GMFB: variants seen among roughly 807,000 people sequenced by gnomAD.
The protein encoded by GMFB is GMF-beta.
GMFB carries 13 observed loss-of-function variants against 25.6 expected under a neutral mutation model. The observed-to-expected ratio is 0.51, with a 90% CI of 0.33 to 0.81. The LOEUF (loss-of-function observed/expected upper bound fraction) is 0.81. Ranked by LOEUF, GMFB falls within the 30% of genes least tolerant of loss-of-function variation. The pLI, the probability that GMFB is intolerant of heterozygous loss-of-function variation, is 0.02. For missense variants in GMFB, 146 were observed against 175.4 expected (o/e 0.83, Z 0.95); for synonymous variants, 57 against 56.9 (o/e 1.00, Z 0.00).
intron 1 of GMFB, among the ~76,000 whole-genome samples, chr14:54,488,305 A>G (rs148621469): frequency 6.6e-6 from 1 of 152,252 alleles, no homozygotes; most frequent in Non-Finnish European, 1.5e-5. Context: ...CAACAAAACT[A>G]AAGTTATTGA....
chr14:54,485,484 G>A (rs1484138364), intron 1 of GMFB, among the ~76,000 whole-genome samples: 3 of 152,018 alleles, frequency 2.0e-5, no homozygotes, highest in Admixed American at 6.6e-5. Flanking sequence ...TCTCTACAAT[G>A]AAAATTATAA....
chr14:54,487,487 G>T (rs534854573), intron 1 of GMFB, among the ~76,000 whole-genome samples: 1 of 151,758 alleles, frequency 6.6e-6, no homozygotes, highest in Non-Finnish European at 1.5e-5. Context: ...TGCAGTGAGC[G>T]GAGATCGCGC....
chr14:54,481,303 G>A (rs1001532481), intron 4 of GMFB, 106 bp downstream of exon 4: 6 of 775,126 alleles, frequency 7.7e-6, no homozygotes, highest in Non-Finnish European at 1.3e-5. Flanking sequence ...TAATTTGGCT[G>A]TCATCATGAC....
intron 1 of GMFB, among the ~76,000 whole-genome samples, chr14:54,485,366 A>G (rs1226915014): frequency 6.6e-6 from 1 of 152,166 alleles, no homozygotes; most frequent in Non-Finnish European, 1.5e-5. Flanking sequence ...AATCAGTAGC[A>G]TTTATATACA....
chr14:54,479,668 A>T, intron 6 of GMFB, 118 bp downstream of exon 6: 1 of 572,756 alleles, frequency 1.7e-6, no homozygotes, highest in Non-Finnish European at 3.1e-6. Flanking sequence ...CTAACTTACT[A>T]ATCTGGTCTA....
rs1439396028 is a variant in GMFB, at chr14:54,475,632, T to C, written c.*2456A>G. The C allele has an allele frequency of 2.0e-5, 3 of 152,484 alleles. No homozygotes were observed. Among genetic ancestry groups the C allele is most frequent in the Non-Finnish European group, 4.4e-5 (3 of 67,948 alleles). 9.4% of individuals were successfully genotyped at this position (152,484 alleles called of 1,614,324 possible). On this transcript the variant is annotated 3_prime_UTR_variant, in exon 7 of 7. Transcript: ENST00000358056. The stretch of plus-strand genomic sequence containing the variant: ...AATTTCAGCATAGTAACCTGAGAAG[T>C]TTTCTTCGTATGTATTTTTGTTGTC...
intron 4 of GMFB, 103 bp from the exon 5 acceptor site, chr14:54,481,059 C>A: frequency 1.7e-6 from 1 of 605,126 alleles, no homozygotes; most frequent in South Asian, 2.2e-5. Context: ...TTCTTTTAGG[C>A]CACACCTTCA....
chr14:54,482,275 A>C, intron 2 of GMFB, 73 bp from the exon 3 acceptor site: 2 of 918,240 alleles, frequency 2.2e-6, no homozygotes, highest in Non-Finnish European at 3.5e-6. Context: ...ACACAATCTC[A>C]GCCTTTTTTT....
In GMFB at chr14:54,475,914, A is replaced by G. The variant is rs1416412351; in HGVS notation, c.*2174T>C. On this transcript the variant is annotated 3_prime_UTR_variant, in exon 7 of 7. Coordinates refer to ENST00000358056, the MANE Select transcript of GMFB (RefSeq NM_004124.3). Reference sequence around the variant, plus strand: ...GGAGTTATTATTTGGGAAATGGCAGAAAAAAAGACAGTAAATACGAAACAT... The same window carrying G: ...GGAGTTATTATTTGGGAAATGGCAGGAAAAAAGACAGTAAATACGAAACAT... 2 of 152,034 alleles carry G rather than the reference A, an allele frequency of 1.3e-5. No homozygotes were observed. Among genetic ancestry groups the G allele is most frequent in the African/African-American group, 4.8e-5 (2 of 41,396 alleles). The allele number at this position is 152,034 out of a possible 1,614,324, so 9.4% of individuals were successfully genotyped here.
chr14:54,481,838 T>C (rs2031714902), intron 3 of GMFB, among the ~76,000 whole-genome samples: 1 of 152,138 alleles, frequency 6.6e-6, no homozygotes, highest in Non-Finnish European at 1.5e-5. Context: ...AACCAGATAT[T>C]TAAATTGTAG....
chr14:54,486,628 G>C (rs984687542), intron 1 of GMFB, among the ~76,000 whole-genome samples: 6 of 152,160 alleles, frequency 3.9e-5, no homozygotes, highest in Admixed American at 2.0e-4. Context: ...TTCCCATTTA[G>C]TCCTAATAAT....
Position 54,474,690 on chromosome 14 carries a change from A to C in GMFB, c.*3398T>G, listed in dbSNP as rs1177130627. On this transcript the variant is annotated 3_prime_UTR_variant, in exon 7 of 7. Coordinates refer to ENST00000358056, the MANE Select transcript of GMFB (RefSeq NM_004124.3). ...TAATGTTTCAAGCCTCCTGAATGAG[A>C]TTATCTTGGACCATCTAAATCAGTG... The C allele has an allele frequency of 6.6e-6, 1 of 152,632 alleles. No homozygotes were observed. Among genetic ancestry groups the C allele is most frequent in the Non-Finnish European group, 1.5e-5 (1 of 68,026 alleles). The allele number at this position is 152,632 out of a possible 1,614,324, so 9.5% of individuals were successfully genotyped here.
Position 54,480,900 on chromosome 14 carries a change from A to G in GMFB, c.257T>C (p.Leu86Pro). The G allele has an allele frequency of 2.0e-6, 3 of 1,527,654 alleles. No homozygotes were observed. The highest frequency in any genetic ancestry group is 2.3e-5 in the South Asian group (2 of 86,436). The allele number at this position is 1,527,654 out of a possible 1,614,324, so 94.6% of individuals were successfully genotyped here. A position where few individuals can be genotyped will look rare whatever the true frequency, so the allele number is the denominator to read the frequency against. ...QHDDGRVSYPLCFIFSSPVGC... is the reference protein window; with the variant it reads ...QHDDGRVSYPPCFIFSSPVGC... The stretch of plus-strand genomic sequence containing the variant: ...AACAGGACTGGAGAAAATAAAGCAC[A>G]GAGGATATGAAACTCTTCCATCATC... Residue 86 changes from leucine to proline, a missense_variant, in exon 5 of 7, where the codon CTG becomes CCG. Coordinates refer to ENST00000358056, the MANE Select transcript of GMFB (RefSeq NM_004124.3).
rs562381112 is a variant in GMFB, at chr14:54,481,502, A to C, written c.151-44T>G. 51 of 1,333,538 alleles carry C rather than the reference A, an allele frequency of 3.8e-5. 1 individual carries two copies. The South Asian group carries it at 5.3e-4, about 14-fold the overall frequency. The allele number at this position is 1,333,538 out of a possible 1,614,324, so 82.6% of individuals were successfully genotyped here. ...GCAACTTTTAAACATTTTCTTACCC[A>C]TAAGTCCTTAAGAGATACACCAAGC... On this transcript the variant is annotated intron_variant, in intron 3 of 6. Transcript: ENST00000358056.
In GMFB at chr14:54,481,444, A is replaced by C; in HGVS notation, c.165T>G (p.Asp55Glu). The change falls in exon 4 of 7, where the codon GAT (aspartate) becomes GAG (glutamate). Residue 55 changes from aspartate to glutamate, a missense_variant. Asp to Glu is a conservative substitution (Grantham distance 45). Transcript: ENST00000358056. Reference sequence around the variant, plus strand: ...GTTCAGGTAGTTCATCTTTAAGTTCATCTGGTGAAATGCCCTGGCACCACA... The same window carrying C: ...GTTCAGGTAGTTCATCTTTAAGTTCCTCTGGTGAAATGCCCTGGCACCACA... ...LDEELEGISP[D>E]ELKDELPERQ... 1.9e-6 allele frequency: 3 copies of C among 1,608,984 alleles called. No individual in the cohort carries two copies. Among genetic ancestry groups the C allele is most frequent in the Non-Finnish European group, 2.6e-6 (3 of 1,175,700 alleles).
rs769173702 is a variant in GMFB at position 54,488,892 on chromosome 14, C to T, written c.3+33G>A. The stretch of plus-strand genomic sequence containing the variant: ...AACCCGGCTGGCCGGCTCGCCCAGC[C>T]CTCCGGCCCCCGCCCTCCCAGCGGC... On this transcript the variant is annotated intron_variant, in intron 1 of 6. Transcript: ENST00000358056. 4.3e-5 allele frequency: 66 copies of T among 1,550,976 alleles called. No individual in the cohort carries two copies. In the African/African-American group the frequency reaches 8.7e-4, roughly 20 times the overall value.
intron 3 of GMFB, 73 bp from the exon 4 acceptor site, chr14:54,481,531 C>A: frequency 1.1e-6 from 1 of 895,014 alleles, no homozygotes; most frequent in East Asian, 2.4e-5. Flanking sequence ...ACCAAGCACC[C>A]ATTCTACTAA....
In GMFB at chr14:54,477,076, A is replaced by T. The variant is rs1320344124; in HGVS notation, c.*1012T>A. The T allele has an allele frequency of 3.9e-5, 6 of 152,224 alleles. No homozygotes were observed. In the South Asian group the frequency reaches 6.2e-4, roughly 16 times the overall value. 9.4% of individuals were successfully genotyped at this position (152,224 alleles called of 1,614,324 possible). A position where few individuals can be genotyped will look rare whatever the true frequency, so the allele number is the denominator to read the frequency against. Reference sequence around the variant, plus strand: ...TTCCTATGGCACAAAACTAACCACAAGTATACCCAAAATTATAACTCTCGA... The same window carrying T: ...TTCCTATGGCACAAAACTAACCACATGTATACCCAAAATTATAACTCTCGA... On this transcript the variant is annotated 3_prime_UTR_variant, in exon 7 of 7. Transcript: ENST00000358056.
chr14:54,482,092 G>T, intron 3 of GMFB, 61 bp downstream of exon 3: 1 of 1,043,356 alleles, frequency 9.6e-7, no homozygotes, highest in Non-Finnish European at 1.5e-6. Flanking sequence ...AACTAATATA[G>T]CATCTTTTGA....
Sources: allele counts gnomAD v4.1 joint callset (sites outside exome capture counted in the v4.1 genomes callset), GRCh38; gene constraint gnomAD v4.1.1; transcripts MANE v1.5; gene names NCBI Gene and HGNC (gene_info 2026-07-23, HGNC 2026-07-21).